The following ARL15 variants were observed in gnomAD, a reference collection of about 807,000 sequenced individuals.
ARL15 encodes the protein ADP-ribosylation factor-like protein 15.
ARL15 carries 19 observed loss-of-function variants against 25.2 expected under a neutral mutation model. That is an observed-to-expected ratio of 0.75 (90% CI 0.53 to 1.10). The LOEUF is 1.10. Ranked by LOEUF, ARL15 falls within the 50% of genes least tolerant of loss-of-function variation. ARL15 has a pLI of 0.00. For synonymous variants in ARL15, 94 were observed against 86.8 expected, an observed-to-expected ratio of 1.08 and a Z score of -0.46; for missense variants, 220 against 246.0, an observed-to-expected ratio of 0.89 and a Z score of 0.71.
rs147848985 is a variant in ARL15 at position 54,257,788 on chromosome 5, G to C, written c.48+52644C>G. ...TATTCCAAGCCCACACAAAGAAAGTGCTGGAGGCAAAACAGGGATAGGTAC... is the reference window on the plus strand; with the variant it reads ...TATTCCAAGCCCACACAAAGAAAGTCCTGGAGGCAAAACAGGGATAGGTAC... On this transcript the variant is annotated intron_variant, in intron 1 of 4. Coordinates refer to ENST00000504924, the MANE Select transcript of ARL15 (RefSeq NM_019087.3). 7.1e-3 allele frequency among the ~76,000 whole-genome samples: 1,087 copies of C among 152,284 alleles called. 15 individuals are homozygous for C. Among genetic ancestry groups the C allele is most frequent in the African/African-American group, 0.025 (1,020 of 41,560 alleles).
intron 1 of ARL15, among the ~76,000 whole-genome samples, chr5:54,194,678 G>A (rs927050305): frequency 2.0e-5 from 3 of 152,182 alleles, no homozygotes; most frequent in South Asian, 2.1e-4. Flanking sequence ...TTGTGGTAAC[G>A]TGAGGAGAGG....
chr5:54,128,489 C>A (rs1753328392), intron 3 of ARL15, among the ~76,000 whole-genome samples: 1 of 152,100 alleles, frequency 6.6e-6, no homozygotes, highest in South Asian at 2.1e-4. Flanking sequence ...TTCACTTAAT[C>A]AACTAACAAG....
chr5:54,057,613 A>T (rs1253828764), intron 4 of ARL15, among the ~76,000 whole-genome samples: 2 of 152,194 alleles, frequency 1.3e-5, no homozygotes, highest in Non-Finnish European at 2.9e-5. Flanking sequence ...AGTTTGGGAA[A>T]CTGAGATGGG....
At chr5:53,970,072 T>A (rs1747686377) in intron 4 of ARL15, among the ~76,000 whole-genome samples, 1 of 152,174 alleles carries the variant, frequency 6.6e-6, no homozygotes, top group African/African-American at 2.4e-5. Context: ...TAGTTTAATA[T>A]CTCACAGGCT....
At chr5:54,236,378 G>A (rs1244376239) in intron 1 of ARL15, among the ~76,000 whole-genome samples, 1 of 151,228 alleles carries the variant, frequency 6.6e-6, no homozygotes, top group Non-Finnish European at 1.5e-5. Flanking sequence ...TCAACTGGAA[G>A]TGGCCGAGTT....
chr5:53,888,170 T>C, intron 4 of ARL15, among the ~76,000 whole-genome samples: 1 of 152,030 alleles, frequency 6.6e-6, no homozygotes, highest in East Asian at 1.9e-4. Flanking sequence ...GATCAGAAAA[T>C]GGATATACAA....
chr5:54,166,046 C>A (rs879699784), intron 2 of ARL15, among the ~76,000 whole-genome samples: 1 of 152,232 alleles, frequency 6.6e-6, no homozygotes, highest in African/African-American at 2.4e-5. Flanking sequence ...ATAGAAATAT[C>A]CAGACTAATG....
intron 4 of ARL15, among the ~76,000 whole-genome samples, chr5:54,018,521 T>C (rs1269543685): frequency 6.6e-6 from 1 of 152,198 alleles, no homozygotes; most frequent in Non-Finnish European, 1.5e-5. Flanking sequence ...TCTGCCCAAA[T>C]GTGCATCTCC....
chr5:53,930,675 C>T (rs183719380), intron 4 of ARL15, among the ~76,000 whole-genome samples: 1 of 152,202 alleles, frequency 6.6e-6, no homozygotes, highest in East Asian at 1.9e-4. Context: ...ATGCTGACTA[C>T]AGAGGACATT....
chr5:54,175,245 C>G (rs553462625), intron 1 of ARL15, among the ~76,000 whole-genome samples: 1 of 152,256 alleles, frequency 6.6e-6, no homozygotes, highest in South Asian at 2.1e-4. Context: ...CCTGTTTATT[C>G]TAGGTCACCT....
chr5:54,113,201 C>T lies in ARL15; in HGVS notation c.462+1G>A. 3 of 1,612,994 alleles carry T rather than the reference C, an allele frequency of 1.9e-6. No individual in the cohort carries two copies. The highest frequency in any genetic ancestry group is 2.5e-6 in the Non-Finnish European group (3 of 1,179,734). On this transcript the variant is annotated splice_donor_variant, in intron 4 of 4. Coordinates refer to ENST00000504924, the MANE Select transcript of ARL15 (RefSeq NM_019087.3). LOFTEE classifies it high-confidence loss of function. ...AGAGTTGTCATGCTAATGAGACATA[C>T]CTCTTGTACTGAGCGAGCTGCTGGC...
chr5:54,103,146 A>G (rs1234143138), intron 4 of ARL15, among the ~76,000 whole-genome samples: 1 of 152,096 alleles, frequency 6.6e-6, no homozygotes, highest in East Asian at 1.9e-4. Flanking sequence ...TTTGTAACCT[A>G]GTAAAAAACT....
chr5:53,927,979 A>C (rs1746085453), intron 4 of ARL15, among the ~76,000 whole-genome samples: 1 of 152,110 alleles, frequency 6.6e-6, no homozygotes, highest in Non-Finnish European at 1.5e-5. Flanking sequence ...CTTTAAGGCT[A>C]TTGTGTGGAC....
intron 4 of ARL15, among the ~76,000 whole-genome samples, chr5:54,005,442 C>G (rs1748996017): frequency 6.6e-6 from 1 of 152,128 alleles, no homozygotes; most frequent in Non-Finnish European, 1.5e-5. Context: ...CTTTATTGGA[C>G]CGGGTGCAGT....
intron 4 of ARL15, among the ~76,000 whole-genome samples, chr5:54,110,774 C>T (rs1410950511): frequency 1.3e-5 from 2 of 152,018 alleles, no homozygotes; most frequent in Non-Finnish European, 2.9e-5. Flanking sequence ...CTTCTACTGC[C>T]TCTTCTATAA....
chr5:54,129,486 T>A (rs1753369545), intron 3 of ARL15, among the ~76,000 whole-genome samples: 1 of 152,014 alleles, frequency 6.6e-6, no homozygotes, highest in Non-Finnish European at 1.5e-5. Flanking sequence ...CAACAGAGAC[T>A]AAATCAAGAA....
chr5:54,107,162 A>T (rs1008778051), intron 4 of ARL15, among the ~76,000 whole-genome samples: 13 of 152,114 alleles, frequency 8.5e-5, no homozygotes, highest in African/African-American at 3.1e-4. Context: ...TGATAAATCC[A>T]TCAGATCTTG....
intron 4 of ARL15, among the ~76,000 whole-genome samples, chr5:53,930,146 T>G (rs1054779940): frequency 6.6e-6 from 1 of 152,164 alleles, no homozygotes; most frequent in Non-Finnish European, 1.5e-5. Context: ...ATTTTCATAA[T>G]AAATCTAAAA....
intron 4 of ARL15, among the ~76,000 whole-genome samples, chr5:54,023,444 G>A (rs1173374642): frequency 6.6e-6 from 1 of 151,838 alleles, no homozygotes. Context: ...TTAAGCTCTA[G>A]ACTTTCGAAG....
Sources: allele counts gnomAD v4.1 joint callset (sites outside exome capture counted in the v4.1 genomes callset), GRCh38; gene constraint gnomAD v4.1.1; transcripts MANE v1.5; gene names NCBI Gene and HGNC (gene_info 2026-07-23, HGNC 2026-07-21).